The following TRHDE variants were observed in gnomAD, a reference collection of about 807,000 sequenced individuals.
TRHDE encodes the protein thyrotropin-releasing hormone-degrading ectoenzyme.
A neutral mutation model predicts 125.7 loss-of-function variants in TRHDE; 72 were observed. The ratio of observed to expected loss-of-function variants is 0.57; its 90% confidence interval spans 0.47 to 0.70. The LOEUF is 0.70. TRHDE is among the 30% of genes least tolerant of loss of function. The pLI, the probability that TRHDE is intolerant of heterozygous loss-of-function variation, is 0.00. For missense variants in TRHDE, 1,110 were observed against 1,327.1 expected (o/e 0.84, Z 2.54); for synonymous variants, 509 against 509.1 (o/e 1.00, Z 0.00).
chr12:72,283,964 A>G (rs1473691183), intron 1 of TRHDE, among the ~76,000 whole-genome samples: 4 of 102,318 alleles, frequency 3.9e-5, no homozygotes, highest in Non-Finnish European at 8.8e-5. Flanking sequence ...CTTAAATATG[A>G]AATTGGTTAT....
chr12:72,641,842 C>T (rs533303127), intron 15 of TRHDE, among the ~76,000 whole-genome samples: 2 of 152,044 alleles, frequency 1.3e-5, no homozygotes, highest in South Asian at 4.1e-4. Context: ...ACATATTTTT[C>T]ATTCCACAGT....
rs527834100 is a variant in TRHDE at position 72,186,945 on chromosome 12, A to G, written n.279+81193A>G. 9.9e-5 allele frequency among the ~76,000 whole-genome samples: 15 copies of G among 152,152 alleles called. 1 individual carries two copies. Among genetic ancestry groups the G allele is most frequent in the Admixed American group, 7.9e-4 (12 of 15,286 alleles). ...GCCAGCTTATCTTATCAATTAGATG[A>G]TAGAAACTATCATGGTGGAAGAGAG... On this transcript the variant is annotated intron_variant and non_coding_transcript_variant, in intron 2 of 4. Coordinates refer to the TRHDE transcript ENST00000548156.
intron 2 of TRHDE, among the ~76,000 whole-genome samples, chr12:72,236,119 C>G (rs752935064): frequency 6.6e-6 from 1 of 152,122 alleles, no homozygotes; most frequent in African/African-American, 2.4e-5. Context: ...AGTTAAAGCT[C>G]TCCATCATTA....
chr12:72,090,873 A>G (rs769511416), intron 1 of TRHDE, among the ~76,000 whole-genome samples: 56 of 148,588 alleles, frequency 3.8e-4, no homozygotes, highest in Non-Finnish European at 7.4e-4. Flanking sequence ...TTTTTTTTTT[A>G]AGGGACAGTC....
At chr12:72,615,013 G>A (rs1186467812) in intron 12 of TRHDE, among the ~76,000 whole-genome samples, 12 of 152,134 alleles carry the variant, frequency 7.9e-5, no homozygotes, top group Admixed American at 7.9e-4. Flanking sequence ...AGGGAAGGGA[G>A]GGAAGGATAT....
At chr12:72,284,709 TTG>T (rs1879816673) in intron 1 of TRHDE, among the ~76,000 whole-genome samples, 1 of 152,218 alleles carries the variant, frequency 6.6e-6, no homozygotes, top group East Asian at 1.9e-4. Flanking sequence ...TTTGTGCAAG[TTG>T]TCTGTGTAAC....
At chr12:72,187,456 GGTGGTGGTGGTGGTTGTGGTC>G (rs1476994214) in intron 2 of TRHDE, among the ~76,000 whole-genome samples, 2 of 146,458 alleles carry the variant, frequency 1.4e-5, no homozygotes, top group Non-Finnish European at 3.0e-5. Flanking sequence ...GGGTGGTGGT[GGTGGTGGTGGTGGTTGTGGTC>G]GTGGTGGTGG....
At chr12:72,368,267 G>A (rs1253988012) in intron 2 of TRHDE, among the ~76,000 whole-genome samples, 1 of 152,110 alleles carries the variant, frequency 6.6e-6, no homozygotes, top group African/African-American at 2.4e-5. Flanking sequence ...TAAAAAGTCT[G>A]TAAGGTACAT....
chr12:72,637,477 G>A (rs1349099784), intron 15 of TRHDE, among the ~76,000 whole-genome samples: 1 of 151,844 alleles, frequency 6.6e-6, no homozygotes, highest in African/African-American at 2.4e-5. Flanking sequence ...TTAATTTTTT[G>A]AAGGGTTTTT....
At chr12:72,543,607 A>G (rs1869261315) in intron 7 of TRHDE, among the ~76,000 whole-genome samples, 1 of 151,356 alleles carries the variant, frequency 6.6e-6, no homozygotes, top group Non-Finnish European at 1.5e-5. Context: ...TTGTAGCATG[A>G]CAGTTTCAGA....
chr12:72,137,089 A>G (rs1489835416), intron 2 of TRHDE, among the ~76,000 whole-genome samples: 1 of 152,166 alleles, frequency 6.6e-6, no homozygotes, highest in Non-Finnish European at 1.5e-5. Context: ...AAGAATAGGA[A>G]GACATTCTCA....
intron 1 of TRHDE, among the ~76,000 whole-genome samples, chr12:72,284,655 C>T (rs1431671277): frequency 6.6e-6 from 1 of 152,162 alleles, no homozygotes; most frequent in Non-Finnish European, 1.5e-5. Flanking sequence ...ATTAATTTTA[C>T]TGTTTTGAAA....
At chr12:72,588,527 A>G (rs1374413731) in intron 12 of TRHDE, among the ~76,000 whole-genome samples, 2 of 152,188 alleles carry the variant, frequency 1.3e-5, no homozygotes, top group Non-Finnish European at 2.9e-5. Context: ...GAGAATTTGC[A>G]GTTTTTTTCA....
At chr12:72,389,885 G>A (rs560231115) in intron 3 of TRHDE, among the ~76,000 whole-genome samples, 1 of 152,274 alleles carries the variant, frequency 6.6e-6, no homozygotes, top group South Asian at 2.1e-4. Context: ...AAAGCAGAGA[G>A]GAGCTACTGC....
intron 12 of TRHDE, among the ~76,000 whole-genome samples, chr12:72,598,051 G>T (rs1197259743): frequency 2.0e-5 from 3 of 151,494 alleles, no homozygotes; most frequent in Non-Finnish European, 4.4e-5. Context: ...ACTCTTGCCT[G>T]AACAAATTGA....
intron 3 of TRHDE, among the ~76,000 whole-genome samples, chr12:72,449,037 A>C (rs1169884814): frequency 6.6e-6 from 1 of 151,878 alleles, no homozygotes; most frequent in Non-Finnish European, 1.5e-5. Context: ...ATATTTTCTT[A>C]ATTTGAACAT....
intron 3 of TRHDE, among the ~76,000 whole-genome samples, chr12:72,380,300 A>G (rs1459964909): frequency 2.0e-5 from 3 of 152,232 alleles, no homozygotes; most frequent in Non-Finnish European, 4.4e-5. Context: ...ACATTCTTTT[A>G]GGTGAAGACA....
intron 2 of TRHDE, among the ~76,000 whole-genome samples, chr12:72,165,437 G>A (rs929535163): frequency 6.6e-6 from 1 of 151,876 alleles, no homozygotes; most frequent in African/African-American, 2.4e-5. Flanking sequence ...TAATCCCTGG[G>A]GACCAAACTG....
chr12:72,325,289 A>G (rs12312745), intron 2 of TRHDE, among the ~76,000 whole-genome samples: 93,023 of 151,894 alleles, frequency 0.61, 29,389 homozygotes, highest in Non-Finnish European at 0.7. Flanking sequence ...TTATTCTCAC[A>G]TAGCCACCAT....
Sources: gnomAD v4.1 joint callset for allele counts (sites outside exome capture counted in the v4.1 genomes callset) on GRCh38, gnomAD v4.1.1 for gene constraint, MANE v1.5 for transcripts, NCBI Gene and HGNC (gene_info 2026-07-23, HGNC 2026-07-21) for gene names.